Variants in MB21D2 observed in about 807,000 individuals in gnomAD.
The protein encoded by MB21D2 is Mab-21 domain containing 2.
Under a neutral mutation model 33.3 loss-of-function variants are expected in MB21D2, and 9 were observed. The observed-to-expected ratio is 0.27, with a 90% CI of 0.16 to 0.47. The LOEUF is 0.47. Among genes scored for constraint, MB21D2 ranks in the 20% least tolerant of loss-of-function variants. The pLI, the probability that MB21D2 is intolerant of heterozygous loss-of-function variation, is 0.99. For synonymous variants in MB21D2, 241 were observed against 236.3 expected (o/e 1.02, Z -0.18); for missense variants, 540 against 624.6 (o/e 0.86, Z 1.44).
At chr3:192,864,440 G>A (rs1365367957) in intron 1 of MB21D2, among the ~76,000 whole-genome samples, 4 of 152,142 alleles carry the variant, frequency 2.6e-5, no homozygotes, top group Admixed American at 6.5e-5. Flanking sequence ...TGAGCTCCTG[G>A]CCTCATGCAA....
At chr3:192,895,102 C>T (rs1429715704) in intron 1 of MB21D2, among the ~76,000 whole-genome samples, 1 of 152,136 alleles carries the variant, frequency 6.6e-6, no homozygotes, top group East Asian at 1.9e-4. Context: ...CCAAGGGGGC[C>T]TGCTAGGGAA....
chr3:192,863,049 T>C (rs13068810), intron 1 of MB21D2, among the ~76,000 whole-genome samples: 16 of 152,172 alleles, frequency 1.1e-4, no homozygotes, highest in Non-Finnish European at 2.2e-4. Flanking sequence ...CTCTTAATAC[T>C]ACAGCACTGG....
At chr3:192,864,739 T>C (rs1459665553) in intron 1 of MB21D2, among the ~76,000 whole-genome samples, 1 of 152,084 alleles carries the variant, frequency 6.6e-6, no homozygotes, top group Non-Finnish European at 1.5e-5. Context: ...ACTCCTAAGC[T>C]CAGGTGATCT....
In MB21D2 at chr3:192,848,507, G is replaced by A. The variant is rs574517707; in HGVS notation, c.212-48857C>T. Among the ~76,000 whole-genome samples the A allele has an allele frequency of 7.9e-5, 12 of 152,318 alleles. No homozygotes were observed. The South Asian group carries it at 1.7e-3, about 21-fold the overall frequency. ...CACAAGAAGCCACCCATTCATATGG[G>A]AGATAATCTGACTATTGCATGACCC... On this transcript the variant is annotated intron_variant, in intron 1 of 1. Coordinates refer to ENST00000392452, the MANE Select transcript of MB21D2 (RefSeq NM_178496.4).
rs988513888 is a variant in MB21D2 at position 192,799,394 on chromosome 3, C to A, written c.468G>T (p.Gly156=). The A allele has an allele frequency of 6.2e-7, 1 of 1,614,104 alleles. No homozygotes were observed. Among genetic ancestry groups the A allele is most frequent in the African/African-American group, 1.3e-5 (1 of 74,934 alleles). Residue 156 remains glycine (G), a synonymous_variant, in exon 2 of 2, where the codon GGG becomes GGT. Transcript: ENST00000392452. This position sits in a 1 kb window ranked among gnomAD's most constrained non-coding sequence, Gnocchi z 4.1. ...AGCAGTCTTTCCATTTACTGATTGTCCCCTCATCAAAGAGCCGAAGGCTCA... is the reference window on the plus strand; with the variant it reads ...AGCAGTCTTTCCATTTACTGATTGTACCCTCATCAAAGAGCCGAAGGCTCA... ...SWLSLRLFDE[G]TISKWKDCCT...
chr3:192,893,824 C>T (rs1487761604), intron 1 of MB21D2, among the ~76,000 whole-genome samples: 1 of 152,054 alleles, frequency 6.6e-6, no homozygotes, highest in Admixed American at 6.5e-5. Context: ...TCGCTTGAGG[C>T]CAGGAGTTTG....
intron 1 of MB21D2, among the ~76,000 whole-genome samples, chr3:192,855,010 G>A (rs1005454327): frequency 6.6e-6 from 1 of 152,242 alleles, no homozygotes; most frequent in African/African-American, 2.4e-5. Context: ...TCAGTCTGCT[G>A]ATACAATATC....
intron 1 of MB21D2, among the ~76,000 whole-genome samples, chr3:192,904,962 T>G (rs1189065678): frequency 6.6e-6 from 1 of 152,226 alleles, no homozygotes; most frequent in Non-Finnish European, 1.5e-5. Flanking sequence ...AGGCACCATA[T>G]GCCCGTAGGA....
At chr3:192,831,769 T>A (rs539924661) in intron 1 of MB21D2, among the ~76,000 whole-genome samples, 22 of 152,216 alleles carry the variant, frequency 1.4e-4, no homozygotes, top group Non-Finnish European at 2.5e-4. Context: ...ACAATTATTA[T>A]ACTTGTTCTG....
chr3:192,854,932 GCTCA>G (rs1370101658), intron 1 of MB21D2, among the ~76,000 whole-genome samples: 1 of 152,150 alleles, frequency 6.6e-6, no homozygotes, highest in Non-Finnish European at 1.5e-5. Flanking sequence ...AAATATTTCT[GCTCA>G]CTGACAATGC....
At position 192,917,636 on chromosome 3, in the gene MB21D2, T is replaced by A. The variant is rs201728507; in HGVS notation, c.205A>T (p.Met69Leu). Residue 69 changes from methionine to leucine, a missense_variant, in exon 1 of 2, where the codon ATG becomes TTG. Met to Leu is a conservative substitution (Grantham distance 15). Transcript: ENST00000392452. Reference protein sequence around the residue: ...IHTAKDFIFSMLGMVQKLDQK... With the variant: ...IHTAKDFIFSLLGMVQKLDQK... Reference sequence around the variant, plus strand: ...CCCCCTTTTTCCTCCTTACCCAGCATGGAAAAGATGAAATCCTTGGCTGTG... The same window carrying A: ...CCCCCTTTTTCCTCCTTACCCAGCAAGGAAAAGATGAAATCCTTGGCTGTG... 12 of 1,613,824 alleles carry A rather than the reference T, an allele frequency of 7.4e-6. No homozygotes were observed. Among genetic ancestry groups the A allele is most frequent in the African/African-American group, 1.3e-5 (1 of 74,892 alleles).
chr3:192,834,272 A>C (rs1358153624), intron 1 of MB21D2, among the ~76,000 whole-genome samples: 1 of 151,604 alleles, frequency 6.6e-6, no homozygotes, highest in African/African-American at 2.4e-5. Flanking sequence ...AGCCAAGATC[A>C]TGCCATTGCA....
In MB21D2 at chr3:192,868,287, T is replaced by C. The variant is rs566863755; in HGVS notation, c.211+49343A>G. On this transcript the variant is annotated intron_variant, in intron 1 of 1. Transcript: ENST00000392452. The stretch of plus-strand genomic sequence containing the variant: ...GCATGCTTATATTGGACTCTCATTG[T>C]CTGACTCTACAGAATCCATCTTCCC... 3.9e-5 allele frequency among the ~76,000 whole-genome samples: 6 copies of C among 152,314 alleles called. No individual in the cohort carries two copies. The South Asian group carries it at 1.2e-3, about 32-fold the overall frequency.
chr3:192,874,715 T>C (rs1343641580), intron 1 of MB21D2, among the ~76,000 whole-genome samples: 1 of 152,162 alleles, frequency 6.6e-6, no homozygotes, highest in Non-Finnish European at 1.5e-5. Context: ...TGCTTGCTGG[T>C]TTCTAGTAGC....
chr3:192,836,264 ATTTTAC>A (rs966461279), intron 1 of MB21D2, among the ~76,000 whole-genome samples: 7 of 152,100 alleles, frequency 4.6e-5, no homozygotes, highest in African/African-American at 1.7e-4. Context: ...AGTTCACTCT[ATTTTAC>A]TTTTGCTACG....
intron 1 of MB21D2, among the ~76,000 whole-genome samples, chr3:192,865,134 G>A (rs551145830): frequency 8.5e-5 from 13 of 152,278 alleles, no homozygotes; most frequent in East Asian, 3.9e-4. Flanking sequence ...TCAGTGTGTC[G>A]CGCTTGACAG....
intron 1 of MB21D2, among the ~76,000 whole-genome samples, chr3:192,825,161 G>A (rs1712147936): frequency 6.6e-6 from 1 of 152,174 alleles, no homozygotes; most frequent in Non-Finnish European, 1.5e-5. Context: ...TTTATTGTTT[G>A]GAGACAGGGA....
rs150774552 is a variant in MB21D2 at position 192,843,133 on chromosome 3, A to T, written c.212-43483T>A. 5.9e-5 allele frequency among the ~76,000 whole-genome samples: 9 copies of T among 152,352 alleles called. No homozygotes were observed. The East Asian group carries it at 1.7e-3, about 29-fold the overall frequency. On this transcript the variant is annotated intron_variant, in intron 1 of 1. Coordinates refer to ENST00000392452, the MANE Select transcript of MB21D2 (RefSeq NM_178496.4). ...TTAAAGCTACTAGCTCAGGTCACAG[A>T]GCCTGAAGATTACATGAGGGCTAGC...
At chr3:192,858,212 C>A (rs1213998786) in intron 1 of MB21D2, among the ~76,000 whole-genome samples, 1 of 152,092 alleles carries the variant, frequency 6.6e-6, no homozygotes, top group African/African-American at 2.4e-5. Flanking sequence ...TGTTTTAATG[C>A]ATATATCATA....
Sources: gnomAD v4.1 joint callset for allele counts (sites outside exome capture counted in the v4.1 genomes callset) on GRCh38, gnomAD v4.1.1 for gene constraint, Gnocchi (gnomAD v3.1) non-coding constraint, MANE v1.5 for transcripts, NCBI Gene and HGNC (gene_info 2026-07-23, HGNC 2026-07-21) for gene names.